Variants in KIAA0586 observed in about 807,000 individuals in gnomAD.
KIAA0586 encodes protein TALPID3.
KIAA0586 carries 144 observed loss-of-function variants against 169.8 expected under a neutral mutation model. The observed-to-expected ratio is 0.85, with a 90% CI of 0.74 to 0.97. The LOEUF (loss-of-function observed/expected upper bound fraction) is 0.97, where lower values mean the gene tolerates loss of function less well. KIAA0586 is among the 50% of genes least tolerant of loss of function. The pLI, the probability that KIAA0586 is intolerant of heterozygous loss-of-function variation, is 0.00. For missense variants in KIAA0586, 1,854 were observed against 1,823.0 expected (o/e 1.02, Z -0.31); for synonymous variants, 625 against 612.4 (o/e 1.02, Z -0.30).
At chr14:58,544,497 T>C (rs531063096) in intron 30 of KIAA0586, among the ~76,000 whole-genome samples, 13 of 152,312 alleles carry the variant, frequency 8.5e-5, no homozygotes, top group East Asian at 1.9e-4. Context: ...AGTGAATAAG[T>C]GTTCCCTTTT....
intron 12 of KIAA0586, 51 bp from the exon 13 acceptor site, chr14:58,459,792 G>A (rs547518457): frequency 1.0e-6 from 1 of 996,538 alleles, no homozygotes; most frequent in Non-Finnish European, 1.4e-6. Flanking sequence ...TGATGTGAAA[G>A]CATTACTATT....
intron 29 of KIAA0586, among the ~76,000 whole-genome samples, 194 bp downstream of exon 29, chr14:58,512,821 C>T (rs941400246): frequency 6.6e-6 from 1 of 152,030 alleles, no homozygotes; most frequent in Non-Finnish European, 1.5e-5. Context: ...TACCAGTAAA[C>T]ACTATTTCTA....
At chr14:58,540,656 T>G (rs2046588638) in intron 30 of KIAA0586, among the ~76,000 whole-genome samples, 1 of 152,198 alleles carries the variant, frequency 6.6e-6, no homozygotes, top group Non-Finnish European at 1.5e-5. Context: ...AAATAAGCAT[T>G]TGTCAACTCA....
intron 4 of KIAA0586, among the ~76,000 whole-genome samples, chr14:58,434,830 G>A (rs1218087974): frequency 1.3e-5 from 2 of 152,102 alleles, no homozygotes; most frequent in East Asian, 3.9e-4. Context: ...GAGTTCATGG[G>A]TAGGTTCACG....
intron 7 of KIAA0586, among the ~76,000 whole-genome samples, chr14:58,449,478 G>C (rs1027676436): frequency 6.6e-6 from 1 of 152,190 alleles, no homozygotes; most frequent in African/African-American, 2.4e-5. Context: ...TCAGTGAGCT[G>C]TGATCATGCA....
rs377048104 is a variant in KIAA0586, at chr14:58,457,531, G to A, written c.1363-228G>A. Among the ~76,000 whole-genome samples, 361 of 152,310 alleles carry A rather than the reference G, an allele frequency of 2.4e-3. 2 individuals carry two copies. Among genetic ancestry groups the A allele is most frequent in the African/African-American group, 5.7e-3 (235 of 41,564 alleles). On this transcript the variant is annotated intron_variant, in intron 10 of 30. Coordinates refer to ENST00000652326, the MANE Select transcript of KIAA0586 (RefSeq NM_001329943.3). ...GATCCACCTGCCTCGGCCTCCCAAA[G>A]TGTTGGGATTACAGGCGTGAGCCAC... is the stretch of plus-strand genomic sequence containing the variant.
intron 15 of KIAA0586, 81 bp from the exon 16 acceptor site, chr14:58,467,654 C>A (rs2040869450): frequency 1.0e-6 from 1 of 996,898 alleles, no homozygotes; most frequent in African/African-American, 1.6e-5. Flanking sequence ...GAGAATATAG[C>A]CATTAAGATC....
chr14:58,559,336 C>A, the KIAA0586 span, among the ~76,000 whole-genome samples: 1 of 152,232 alleles, frequency 6.6e-6, no homozygotes, highest in African/African-American at 2.4e-5. Context: ...GACCTCCAAG[C>A]CCAGCAACAC....
intron 4 of KIAA0586, chr14:58,440,148 G>A (rs1330597368): frequency 4.5e-6 from 2 of 440,680 alleles, no homozygotes; most frequent in African/African-American, 4.2e-5. Flanking sequence ...CTCCCACAGT[G>A]CTAGGATTAC....
Position 58,512,651 on chromosome 14 carries a change from A to G in KIAA0586, c.4429+24A>G, listed in dbSNP as rs775698378. Reference sequence around the variant, plus strand: ...AGGTAAGACTTGTTTTTATGTAATAATACAATAGTTTGATACTTGTCTGAA... The same window carrying G: ...AGGTAAGACTTGTTTTTATGTAATAGTACAATAGTTTGATACTTGTCTGAA... On this transcript the variant is annotated intron_variant, in intron 29 of 30. Coordinates refer to ENST00000652326, the MANE Select transcript of KIAA0586 (RefSeq NM_001329943.3). 7.5e-6 allele frequency: 9 copies of G among 1,193,934 alleles called. No homozygotes were observed. In the South Asian group the frequency reaches 1.3e-4, roughly 18 times the overall value. The allele number at this position is 1,193,934 out of a possible 1,614,324, so 74.0% of individuals were successfully genotyped here. A position where few individuals can be genotyped will look rare whatever the true frequency, so the allele number is the denominator to read the frequency against.
intron 20 of KIAA0586, among the ~76,000 whole-genome samples, chr14:58,480,443 C>G (rs1167624219): frequency 2.0e-5 from 3 of 151,546 alleles, no homozygotes; most frequent in South Asian, 2.1e-4. Context: ...ATGCTTTGCC[C>G]TCTTTTCTGT....
the KIAA0586 span, among the ~76,000 whole-genome samples, chr14:58,556,833 C>A: frequency 6.6e-6 from 1 of 152,310 alleles, no homozygotes; most frequent in African/African-American, 2.4e-5. Flanking sequence ...GCAACCTCCA[C>A]CTCCTGGGTT....
intron 30 of KIAA0586, among the ~76,000 whole-genome samples, chr14:58,545,365 A>T (rs1390160227): frequency 6.6e-6 from 1 of 152,246 alleles, no homozygotes; most frequent in Non-Finnish European, 1.5e-5. Context: ...TATAGCTCTT[A>T]TTACAACATT....
chr14:58,454,587 A>G (rs2039667351), intron 9 of KIAA0586, among the ~76,000 whole-genome samples: 2 of 152,206 alleles, frequency 1.3e-5, no homozygotes, highest in South Asian at 4.1e-4. Flanking sequence ...CTTATAGGGT[A>G]GGTCTGTTAG....
chr14:58,511,532 G>A (rs1261386926), intron 28 of KIAA0586, among the ~76,000 whole-genome samples: 1 of 152,210 alleles, frequency 6.6e-6, no homozygotes, highest in African/African-American at 2.4e-5. Flanking sequence ...CTGTGAGTAA[G>A]TAAGGAAACC....
At chr14:58,547,392 C>T (rs990545736) in intron 30 of KIAA0586, among the ~76,000 whole-genome samples, 9 of 152,044 alleles carry the variant, frequency 5.9e-5, no homozygotes, top group African/African-American at 2.2e-4. Flanking sequence ...TACTATTATC[C>T]CATTTAACAT....
intron 12 of KIAA0586, 68 bp from the exon 13 acceptor site, chr14:58,459,775 T>C: frequency 1.1e-6 from 1 of 873,684 alleles, no homozygotes; most frequent in Non-Finnish European, 1.7e-6. Flanking sequence ...TAAATTCTAA[T>C]ACTTTCTGAT....
rs115319263 is a variant in KIAA0586, at chr14:58,544,075, A to T, written c.4496-3706A>T. 7.4e-3 allele frequency: 2,346 copies of T among 315,080 alleles called. 55 individuals carry two copies. Among genetic ancestry groups the T allele is most frequent in the African/African-American group, 0.049 (2,196 of 44,770 alleles). 19.5% of individuals were successfully genotyped at this position (315,080 alleles called of 1,614,324 possible). ...TGTTGTTTCCTTCTTTGTGTTCATG[A>T]GTTATCATCATTTAGTTCCCACTTA... On this transcript the variant is annotated intron_variant, in intron 30 of 30. Transcript: ENST00000652326.
chr14:58,513,409 A>G (rs1284304220), intron 29 of KIAA0586, among the ~76,000 whole-genome samples: 1 of 152,034 alleles, frequency 6.6e-6, no homozygotes, highest in Non-Finnish European at 1.5e-5. Context: ...ATATTATTGA[A>G]TGCCGGTATA....
Sources: gnomAD v4.1 joint callset for allele counts (sites outside exome capture counted in the v4.1 genomes callset) on GRCh38, gnomAD v4.1.1 for gene constraint, MANE v1.5 for transcripts, NCBI Gene and HGNC (gene_info 2026-07-23, HGNC 2026-07-21) for gene names.